RALGAPA2: variants seen among roughly 807,000 people sequenced by gnomAD.
The protein encoded by RALGAPA2 is ral GTPase-activating protein subunit alpha-2.
Under a neutral mutation model 230.4 loss-of-function variants are expected in RALGAPA2, and 139 were observed. That is an observed-to-expected ratio of 0.60 (90% CI 0.53 to 0.69). The LOEUF is 0.69. Among genes scored for constraint, RALGAPA2 ranks in the 30% least tolerant of loss-of-function variants. The pLI is 0.00. For synonymous variants in RALGAPA2, 847 were observed against 837.8 expected (o/e 1.01, Z -0.19); for missense variants, 2,163 against 2,276.0 (o/e 0.95, Z 1.01).
chr20:20,682,485 C>G (rs1162795334), intron 1 of RALGAPA2, among the ~76,000 whole-genome samples: 17 of 152,164 alleles, frequency 1.1e-4, no homozygotes, highest in Admixed American at 1.1e-3. Flanking sequence ...GGCTCCTACT[C>G]ACCCTCACTA....
chr20:20,468,922 TG>T (rs1015082892), intron 37 of RALGAPA2, among the ~76,000 whole-genome samples: 2 of 151,980 alleles, frequency 1.3e-5, no homozygotes, highest in Non-Finnish European at 2.9e-5. Flanking sequence ...GCCCCTTAAA[TG>T]TTTCCATCAC....
At position 20,526,256 on chromosome 20, in the gene RALGAPA2, G is replaced by C; in HGVS notation, c.3689C>G (p.Ala1230Gly). The C allele has an allele frequency of 1.3e-6, 2 of 1,581,742 alleles. No individual in the cohort carries two copies. The highest frequency in any genetic ancestry group is 1.7e-6 in the Non-Finnish European group (2 of 1,155,452). The stretch of plus-strand genomic sequence containing the variant: ...ATTACAGAAAAAAAGACTTACTTCT[G>C]CCATTTTCCGAGGCAGAGAGGTTTC... Reference protein sequence around the residue: ...MFETSLPRKMAEILVATVAFL... With the variant: ...MFETSLPRKMGEILVATVAFL... Residue 1230 changes from alanine (A) to glycine (G), a missense_variant, in exon 28 of 40, where the codon GCA (alanine) becomes GGA (glycine). Physicochemically the swap from Ala to Gly is moderately conservative, Grantham distance 60. Coordinates refer to ENST00000202677, the MANE Select transcript of RALGAPA2 (RefSeq NM_020343.4).
At chr20:20,545,389 TCTC>T (rs2063753738) in intron 24 of RALGAPA2, among the ~76,000 whole-genome samples, 1 of 152,148 alleles carries the variant, frequency 6.6e-6, no homozygotes, top group African/African-American at 2.4e-5. Context: ...TTACCTTTCT[TCTC>T]TTTTGCTCCT....
chr20:20,605,344 A>G lies in RALGAPA2; in HGVS notation c.1869T>C (p.Phe623=). The part of the protein sequence containing the change: ...VYISRELWDD[F]LGVLSSLTEW... ...CCGTGAGGGAGGACAGCACACCAAG[A>G]AAGTCATCCCAGAGCTCTCGAGAAA... is the stretch of plus-strand genomic sequence containing the variant. The change falls in exon 15 of 40, where the codon TTT becomes TTC. Residue 623 remains phenylalanine (F), a synonymous_variant. Coordinates refer to ENST00000202677, the MANE Select transcript of RALGAPA2 (RefSeq NM_020343.4). The G allele has an allele frequency of 1.2e-6, 2 of 1,613,908 alleles. No individual in the cohort carries two copies. Among genetic ancestry groups the G allele is most frequent in the Non-Finnish European group, 1.7e-6 (2 of 1,179,846 alleles).
intron 37 of RALGAPA2, among the ~76,000 whole-genome samples, chr20:20,420,163 A>C (rs1244008701): frequency 6.6e-6 from 1 of 152,192 alleles, no homozygotes; most frequent in Non-Finnish European, 1.5e-5. Context: ...ATACTTCAGG[A>C]GGAGAAAGGA....
chr20:20,544,611 G>A (rs893904887), intron 24 of RALGAPA2, among the ~76,000 whole-genome samples: 1 of 152,126 alleles, frequency 6.6e-6, no homozygotes, highest in African/African-American at 2.4e-5. Flanking sequence ...CAAAGACTTG[G>A]AACCAACCCA....
At chr20:20,393,289 G>C (rs1249649972) in intron 39 of RALGAPA2, 36 bp from the exon 40 acceptor site, 1 of 1,271,346 alleles carries the variant, frequency 7.9e-7, no homozygotes, top group East Asian at 5.1e-5. Flanking sequence ...AGTCATGGAG[G>C]CAACGGCGGC....
intron 16 of RALGAPA2, among the ~76,000 whole-genome samples, chr20:20,597,642 C>A (rs1271701168): frequency 6.6e-6 from 1 of 151,988 alleles, no homozygotes; most frequent in African/African-American, 2.4e-5. Flanking sequence ...AGTTCAAGAC[C>A]TGCCTGGCCA....
intron 15 of RALGAPA2, 113 bp downstream of exon 15, chr20:20,605,062 G>T: frequency 2.5e-6 from 2 of 800,394 alleles, no homozygotes; most frequent in Non-Finnish European, 2.1e-6. Flanking sequence ...AGAAGACACT[G>T]TGTAGTTGGT....
intron 3 of RALGAPA2, among the ~76,000 whole-genome samples, chr20:20,669,930 C>T (rs2068078640): frequency 6.6e-6 from 1 of 152,198 alleles, no homozygotes; most frequent in Non-Finnish European, 1.5e-5. Context: ...TCACCAAGTA[C>T]CTTGTGTTTC....
At chr20:20,614,174 C>T (rs538968061) in intron 13 of RALGAPA2, among the ~76,000 whole-genome samples, 1 of 152,182 alleles carries the variant, frequency 6.6e-6, no homozygotes, top group African/African-American at 2.4e-5. Context: ...ATTACAGAAA[C>T]TGCTCACACT....
At chr20:20,651,942 T>G (rs184928257) in intron 4 of RALGAPA2, among the ~76,000 whole-genome samples, 114 of 152,336 alleles carry the variant, frequency 7.5e-4, no homozygotes, top group Non-Finnish European at 1.5e-3. Context: ...ATTTTTATTT[T>G]TACTTTAATT....
intron 37 of RALGAPA2, among the ~76,000 whole-genome samples, chr20:20,464,705 T>C (rs1261412842): frequency 6.6e-6 from 1 of 152,238 alleles, no homozygotes; most frequent in African/African-American, 2.4e-5. Flanking sequence ...ACCATTCTAA[T>C]TGCCAAGATT....
In RALGAPA2 at chr20:20,601,689, T is replaced by C. The variant is rs1161140436; in HGVS notation, c.2196A>G (p.Lys732=). 5.0e-6 allele frequency: 8 copies of C among 1,609,468 alleles called. No homozygotes were observed. The highest frequency in any genetic ancestry group is 6.8e-6 in the Non-Finnish European group (8 of 1,178,454). The part of the protein sequence containing the change: ...VEKARNIVRQ[K]ATEVEECQQS... ...ATTTAAATAAATGTTTACCAGTTGCTTTTTGGCGAACAATATTTCTTGCCT... is the reference window on the plus strand; with the variant it reads ...ATTTAAATAAATGTTTACCAGTTGCCTTTTGGCGAACAATATTTCTTGCCT... Residue 732 remains lysine, a synonymous_variant, in exon 16 of 40, where the codon AAA becomes AAG. Transcript: ENST00000202677.
At chr20:20,488,675 G>A (rs1043057308) in intron 36 of RALGAPA2, among the ~76,000 whole-genome samples, 2 of 152,224 alleles carry the variant, frequency 1.3e-5, no homozygotes, top group African/African-American at 4.8e-5. Flanking sequence ...GAAACCAGAT[G>A]TCTCCCTATC....
chr20:20,638,127 G>A (rs1431803062), intron 7 of RALGAPA2, among the ~76,000 whole-genome samples: 3 of 152,182 alleles, frequency 2.0e-5, no homozygotes, highest in African/African-American at 7.2e-5. Context: ...TGTTTGCATA[G>A]TGGGAGCACT....
rs531609761 is a variant in RALGAPA2 at position 20,555,666 on chromosome 20, G to A, written c.3157-8834C>T. Among the ~76,000 whole-genome samples the A allele has an allele frequency of 4.5e-4, 68 of 152,170 alleles. 1 individual carries two copies. Among genetic ancestry groups the A allele is most frequent in the Non-Finnish European group, 7.1e-4 (48 of 67,994 alleles). ...GTATTTGATTCTTTTTGATGCTATT[G>A]TAAATAGAATTGCTTTCTTAATTTC... is the stretch of plus-strand genomic sequence containing the variant. On this transcript the variant is annotated intron_variant, in intron 23 of 39. Coordinates refer to ENST00000202677, the MANE Select transcript of RALGAPA2 (RefSeq NM_020343.4).
chr20:20,551,890 A>G (rs1456718974), intron 23 of RALGAPA2, among the ~76,000 whole-genome samples: 1 of 152,182 alleles, frequency 6.6e-6, no homozygotes, highest in African/African-American at 2.4e-5. Context: ...AAAAGGAAGG[A>G]TTCGTTCTGG....
intron 23 of RALGAPA2, among the ~76,000 whole-genome samples, chr20:20,548,822 G>C (rs546238673): frequency 6.6e-6 from 1 of 152,276 alleles, no homozygotes; most frequent in East Asian, 1.9e-4. Context: ...ACTCACAGAG[G>C]TACTCATTGT....
Sources: gnomAD v4.1 joint callset for allele counts (sites outside exome capture counted in the v4.1 genomes callset) on GRCh38, gnomAD v4.1.1 for gene constraint, MANE v1.5 for transcripts, NCBI Gene and HGNC (gene_info 2026-07-23, HGNC 2026-07-21) for gene names.